The following KIF26B variants were observed in gnomAD, a reference collection of about 807,000 sequenced individuals.
KIF26B encodes the protein kinesin-like protein KIF26B.
KIF26B carries 63 observed loss-of-function variants against 151.2 expected under a neutral mutation model. The observed-to-expected ratio is 0.42, with a 90% CI of 0.34 to 0.51. The LOEUF (loss-of-function observed/expected upper bound fraction) is 0.51. KIF26B is among the 20% of genes least tolerant of loss of function. KIF26B has a pLI of 0.07. For missense variants in KIF26B, 2,813 were observed against 2,913.6 expected (o/e 0.97, Z 0.79); for synonymous variants, 1,357 against 1,262.1 (o/e 1.08, Z -1.59).
At chr1:245,313,641 C>T (rs978834950) in intron 2 of KIF26B, among the ~76,000 whole-genome samples, 1 of 152,214 alleles carries the variant, frequency 6.6e-6, no homozygotes, top group African/African-American at 2.4e-5. Flanking sequence ...AACCATGTCC[C>T]TGTCACAGAT....
rs756077525 is a variant in KIF26B, at chr1:245,367,321, C to T, written c.953C>T (p.Thr318Ile). The part of the protein sequence containing the change: ...AIQAHQYLDG[T>I]WSLSRTNGVT... ...CAGGCTCACCAGTACCTGGATGGCA[C>T]CTGGTCCCTGTCGAGAACCAACGGG... Residue 318 changes from threonine to isoleucine, a missense_variant, in exon 3 of 15, where the codon ACC becomes ATC. By Grantham distance (89) the Thr-to-Ile change is moderately conservative. Transcript: ENST00000407071. The surrounding 1 kb of genome is among the most constrained non-coding windows in gnomAD (Gnocchi z 4.2). 1 of 1,596,266 alleles carries T rather than the reference C, an allele frequency of 6.3e-7. No individual in the cohort carries two copies. Among genetic ancestry groups the T allele is most frequent in the Non-Finnish European group, 8.5e-7 (1 of 1,171,564 alleles).
chr1:245,249,726 A>G (rs1573733158), intron 2 of KIF26B, among the ~76,000 whole-genome samples: 1 of 152,002 alleles, frequency 6.6e-6, no homozygotes, highest in Non-Finnish European at 1.5e-5. Context: ...CAAGTGATCT[A>G]CCTTCCTAGG....
At chr1:245,332,304 C>T (rs547577492) in intron 2 of KIF26B, among the ~76,000 whole-genome samples, 5 of 152,036 alleles carry the variant, frequency 3.3e-5, no homozygotes, top group Admixed American at 3.3e-4. Flanking sequence ...AGGCAGATGA[C>T]TAAAAATGAC....
chr1:245,163,227 C>T (rs1329499627), intron 2 of KIF26B, among the ~76,000 whole-genome samples: 6 of 152,106 alleles, frequency 3.9e-5, no homozygotes, highest in African/African-American at 1.4e-4. Flanking sequence ...CTGCAACCTC[C>T]GCCTCCCAAG....
At chr1:245,645,470 A>G (rs1278460021) in intron 9 of KIF26B, among the ~76,000 whole-genome samples, 1 of 152,202 alleles carries the variant, frequency 6.6e-6, no homozygotes, top group Non-Finnish European at 1.5e-5. Context: ...CAAGTTGCTT[A>G]AGTTTTCTGA....
At chr1:245,354,289 C>G (rs1672633095) in intron 2 of KIF26B, among the ~76,000 whole-genome samples, 1 of 152,144 alleles carries the variant, frequency 6.6e-6, no homozygotes, top group African/African-American at 2.4e-5. Context: ...ACAAAGTTAC[C>G]ATGATGTAAA....
At chr1:245,569,347 C>T (rs993114697) in intron 5 of KIF26B, among the ~76,000 whole-genome samples, 1 of 152,068 alleles carries the variant, frequency 6.6e-6, no homozygotes, top group Admixed American at 6.6e-5. Flanking sequence ...ATTGGATGGA[C>T]ATGTAATCCC....
intron 5 of KIF26B, among the ~76,000 whole-genome samples, chr1:245,577,535 G>A (rs12239788): frequency 0.18 from 27,832 of 151,712 alleles, 2,644 homozygotes; most frequent in Middle Eastern, 0.2. Flanking sequence ...AACTCTGGGC[G>A]ATGCATCCCC....
Position 245,282,319 on chromosome 1 carries a change from G to A in KIF26B, c.466-84515G>A, listed in dbSNP as rs139658851. ...CTAAGCCAAAAGAACAAAGCTGGAG[G>A]CATCACACTACCTGACTTCAAAGTT... On this transcript the variant is annotated intron_variant, in intron 2 of 14. Transcript: ENST00000407071. Among the ~76,000 whole-genome samples the A allele has an allele frequency of 1.0e-3, 153 of 152,278 alleles. 1 individual carries two copies. The highest frequency in any genetic ancestry group is 3.4e-3 in the African/African-American group (140 of 41,550).
At chr1:245,252,152 T>G (rs997771394) in intron 2 of KIF26B, among the ~76,000 whole-genome samples, 2 of 151,728 alleles carry the variant, frequency 1.3e-5, no homozygotes, top group African/African-American at 4.8e-5. Flanking sequence ...GGTGCGCATC[T>G]GTAGTCCCAG....
Position 245,661,729 on chromosome 1 carries a change from TAC to T in KIF26B, c.2258+15452_2258+15453del, listed in dbSNP as rs546615963. Among the ~76,000 whole-genome samples the T allele has an allele frequency of 3.6e-3, 527 of 148,420 alleles. 4 individuals are homozygous for T. Among genetic ancestry groups the T allele is most frequent in the African/African-American group, 0.012 (495 of 39,964 alleles). On this transcript the variant is annotated intron_variant, in intron 10 of 14. Coordinates refer to ENST00000407071, the MANE Select transcript of KIF26B (RefSeq NM_018012.4). ...TATACACACACACCACCAATATATATACACCCAGTGTTATATATACACACACC... is the reference window on the plus strand; with the variant it reads ...TATACACACACACCACCAATATATATACCCAGTGTTATATATACACACACC...
At chr1:245,646,376 C>A in intron 10 of KIF26B, 96 bp downstream of exon 10, 1 of 1,289,000 alleles carries the variant, frequency 7.8e-7, no homozygotes, top group Non-Finnish European at 1.1e-6. Flanking sequence ...CACAGAGGGA[C>A]AGCCTGGACC....
intron 4 of KIF26B, among the ~76,000 whole-genome samples, chr1:245,493,961 A>T: frequency 6.6e-6 from 1 of 152,190 alleles, no homozygotes; most frequent in Admixed American, 6.5e-5. Context: ...ACTAAGCAAA[A>T]AAACCATTTT....
chr1:245,617,199 C>T (rs1280599350), intron 9 of KIF26B, among the ~76,000 whole-genome samples: 11 of 152,162 alleles, frequency 7.2e-5, no homozygotes, highest in South Asian at 4.1e-4. Flanking sequence ...GGGTTCCCCG[C>T]GATTCTCCTG....
chr1:245,458,936 T>A (rs1037743639), intron 4 of KIF26B, among the ~76,000 whole-genome samples: 4 of 152,214 alleles, frequency 2.6e-5, no homozygotes, highest in African/African-American at 9.7e-5. Flanking sequence ...CTCCCCACGC[T>A]ATAATTTTGT....
chr1:245,245,119 C>T (rs1370136636), intron 2 of KIF26B, among the ~76,000 whole-genome samples: 1 of 152,134 alleles, frequency 6.6e-6, no homozygotes, highest in East Asian at 1.9e-4. Context: ...TTGATGGAGG[C>T]AGTTGCCTGT....
chr1:245,335,779 GAGTCCCACGCAGGGAAAGGAA>G (rs1672212065), intron 2 of KIF26B, among the ~76,000 whole-genome samples: 3 of 146,268 alleles, frequency 2.1e-5, no homozygotes, highest in Admixed American at 6.8e-5. Context: ...AGGGAAAGGA[GAGTCCCACGCAGGGAAAGGAA>G]GGTCCCACGC....
chr1:245,470,315 A>G, intron 4 of KIF26B, among the ~76,000 whole-genome samples: 1 of 152,198 alleles, frequency 6.6e-6, no homozygotes, highest in East Asian at 1.9e-4. Context: ...GAGAATCTGG[A>G]TCGGGTGGAC....
chr1:245,594,647 A>G (rs1319841206), intron 5 of KIF26B, among the ~76,000 whole-genome samples: 2 of 152,178 alleles, frequency 1.3e-5, no homozygotes, highest in South Asian at 2.1e-4. Context: ...TCTTGGCTAT[A>G]TGGGCTCTTT....
Sources: allele counts gnomAD v4.1 joint callset (sites outside exome capture counted in the v4.1 genomes callset), GRCh38; gene constraint gnomAD v4.1.1; non-coding constraint Gnocchi (gnomAD v3.1); transcripts MANE v1.5; gene names NCBI Gene and HGNC (gene_info 2026-07-23, HGNC 2026-07-21).